The following CCDC191 variants were observed in gnomAD, a reference collection of about 807,000 sequenced individuals.
The protein encoded by CCDC191 is coiled-coil domain-containing protein 191.
In CCDC191, 99 loss-of-function variants were observed where a neutral mutation model predicts 114.0. The ratio of observed to expected loss-of-function variants is 0.87; its 90% CI spans 0.74 to 1.03. The LOEUF is 1.03. CCDC191 is among the 50% of genes least tolerant of loss of function. The probability of loss-of-function intolerance (pLI) is 0.00; values close to 1 mark genes in which losing one functional copy is unlikely to be tolerated. For synonymous variants in CCDC191, 351 were observed against 376.0 expected, an observed-to-expected ratio of 0.93 and a Z score of 0.77; for missense variants, 973 against 1,087.0, an observed-to-expected ratio of 0.90 and a Z score of 1.47.
At chr3:114,016,673 A>T (rs1479026694) in intron 8 of CCDC191, among the ~76,000 whole-genome samples, 3 of 152,212 alleles carry the variant, frequency 2.0e-5, no homozygotes, top group Non-Finnish European at 4.4e-5. Flanking sequence ...GATCTTTTTT[A>T]AAAAATTGGC....
intron 5 of CCDC191, among the ~76,000 whole-genome samples, chr3:114,035,825 T>C (rs1358321635): frequency 6.6e-6 from 1 of 152,168 alleles, no homozygotes; most frequent in Non-Finnish European, 1.5e-5. Context: ...AATGACTATA[T>C]AGCTTATTGA....
chr3:113,993,878 G>A (rs760027076), intron 13 of CCDC191, among the ~76,000 whole-genome samples: 6 of 151,574 alleles, frequency 4.0e-5, no homozygotes, highest in Non-Finnish European at 8.8e-5. Flanking sequence ...GTGAGACCCT[G>A]TCTCAGAGAA....
At chr3:114,026,384 A>G (rs1162480828) in intron 7 of CCDC191, among the ~76,000 whole-genome samples, 1 of 152,242 alleles carries the variant, frequency 6.6e-6, no homozygotes, top group African/African-American at 2.4e-5. Flanking sequence ...CTCCCAAGAC[A>G]TATACCACAC....
intron 16 of CCDC191, among the ~76,000 whole-genome samples, chr3:113,974,352 C>T (rs892558890): frequency 3.3e-5 from 5 of 150,198 alleles, no homozygotes; most frequent in Non-Finnish European, 5.9e-5. Flanking sequence ...TGGAGTCTTG[C>T]TCAAGCACCT....
intron 9 of CCDC191, among the ~76,000 whole-genome samples, chr3:114,007,803 A>G (rs1405382008): frequency 6.6e-6 from 1 of 152,034 alleles, no homozygotes; most frequent in East Asian, 1.9e-4. Context: ...ATGAGTTCCT[A>G]TGACTGTATA....
At chr3:113,980,417 T>A (rs1358051959) in intron 14 of CCDC191, among the ~76,000 whole-genome samples, 1 of 152,174 alleles carries the variant, frequency 6.6e-6, no homozygotes, top group Admixed American at 6.5e-5. Context: ...CTTGGGGGGA[T>A]CTCTAATAAA....
At chr3:113,976,928 T>C (rs992822474) in intron 16 of CCDC191, among the ~76,000 whole-genome samples, 4 of 152,172 alleles carry the variant, frequency 2.6e-5, no homozygotes, top group Admixed American at 6.5e-5. Flanking sequence ...AACAAAACTA[T>C]AATCAACTTG....
intron 16 of CCDC191, among the ~76,000 whole-genome samples, chr3:113,968,097 A>G (rs2107552678): frequency 6.6e-6 from 1 of 152,326 alleles, no homozygotes; most frequent in East Asian, 1.9e-4. Flanking sequence ...ATAATCACGG[A>G]CATGCAAATA....
At chr3:114,018,538 C>T in intron 8 of CCDC191, 140 bp downstream of exon 8, 1 of 687,232 alleles carries the variant, frequency 1.5e-6, no homozygotes, top group South Asian at 2.6e-5. Context: ...TGAGATGTAA[C>T]ATAGAAAAAC....
At chr3:114,024,743 T>C (rs1390075046) in intron 7 of CCDC191, among the ~76,000 whole-genome samples, 2 of 152,138 alleles carry the variant, frequency 1.3e-5, no homozygotes, top group African/African-American at 4.8e-5. Flanking sequence ...GAGATATACC[T>C]AATGTTAAAT....
At chr3:114,035,300 A>G (rs2076467876) in intron 5 of CCDC191, 152 bp from the exon 6 acceptor site, 1 of 617,658 alleles carries the variant, frequency 1.6e-6, no homozygotes, top group African/African-American at 1.8e-5. Flanking sequence ...GGAGGAATTC[A>G]TCTGTTTACT....
intron 4 of CCDC191, among the ~76,000 whole-genome samples, chr3:114,038,119 G>C (rs2076511500): frequency 6.6e-6 from 1 of 152,168 alleles, no homozygotes; most frequent in African/African-American, 2.4e-5. Context: ...CTAATACTCA[G>C]TATGGTCAGT....
intron 4 of CCDC191, among the ~76,000 whole-genome samples, chr3:114,038,892 G>C (rs149130799): frequency 6.6e-6 from 1 of 152,144 alleles, no homozygotes; most frequent in South Asian, 2.1e-4. Flanking sequence ...TGGGTGGCAG[G>C]GGGAGGAAGA....
chr3:114,007,630 A>G (rs1210366783), intron 9 of CCDC191, among the ~76,000 whole-genome samples: 1 of 152,154 alleles, frequency 6.6e-6, no homozygotes, highest in Non-Finnish European at 1.5e-5. Context: ...GGATCATGGT[A>G]ACTTTTTAAC....
intron 10 of CCDC191, 22 bp from the exon 11 acceptor site, chr3:114,004,768 G>C: frequency 1.2e-6 from 2 of 1,603,174 alleles, no homozygotes; most frequent in East Asian, 4.5e-5. Flanking sequence ...ATAAAGGAAA[G>C]GAATTTAGAC....
intron 15 of CCDC191, 82 bp downstream of exon 15, chr3:113,978,776 G>T (rs763516751): frequency 2.2e-4 from 320 of 1,433,410 alleles, no homozygotes; most frequent in Non-Finnish European, 3.0e-4. Flanking sequence ...TAATGACCCT[G>T]GACATTCTGG....
In CCDC191 at chr3:114,010,838, C is replaced by A; in HGVS notation, c.1347G>T (p.Gly449=). The A allele has an allele frequency of 6.2e-7, 1 of 1,614,014 alleles. No homozygotes were observed. Residue 449 remains glycine, a synonymous_variant, in exon 9 of 17, where the codon GGG becomes GGT. Coordinates refer to ENST00000295878, the MANE Select transcript of CCDC191 (RefSeq NM_020817.2). ...CCTCAGGTAGACTGATGCCTGATAACCCATTGGCACTGAGTTTCCCCAGTG... is the reference window on the plus strand; with the variant it reads ...CCTCAGGTAGACTGATGCCTGATAAACCATTGGCACTGAGTTTCCCCAGTG... ...AASLGKLSAN[G]LSGISLPEEA... is the part of the protein sequence containing the mutation.
chr3:113,983,771 T>C (rs2075257549), intron 13 of CCDC191, among the ~76,000 whole-genome samples: 1 of 152,246 alleles, frequency 6.6e-6, no homozygotes, highest in Admixed American at 6.5e-5. Context: ...AAACTTTAAA[T>C]CTTGCCTTGT....
rs780318300 is a variant in CCDC191 at position 114,018,822 on chromosome 3, T to C, written c.1019A>G (p.His340Arg). The C allele has an allele frequency of 6.2e-7, 1 of 1,613,892 alleles. No homozygotes were observed. Among genetic ancestry groups the C allele is most frequent in the East Asian group, 2.2e-5 (1 of 44,872 alleles). Residue 340 changes from histidine (H) to arginine (R), a missense_variant, in exon 8 of 17, where the codon CAT becomes CGT. Coordinates refer to ENST00000295878, the MANE Select transcript of CCDC191 (RefSeq NM_020817.2). ...CCCAGCTTTCCCCAGCTTAATCCTATGATCAAGAATCAGCTTGTGCCAGGC... is the reference window on the plus strand; with the variant it reads ...CCCAGCTTTCCCCAGCTTAATCCTACGATCAAGAATCAGCTTGTGCCAGGC... Reference protein sequence around the residue: ...FAAWHKLILDHRIKLGKAGTL... With the variant: ...FAAWHKLILDRRIKLGKAGTL...
Sources: allele counts gnomAD v4.1 joint callset (sites outside exome capture counted in the v4.1 genomes callset), GRCh38; gene constraint gnomAD v4.1.1; transcripts MANE v1.5; gene names NCBI Gene and HGNC (gene_info 2026-07-23, HGNC 2026-07-21).